The following SDHA variants were observed in gnomAD, a reference collection of about 807,000 sequenced individuals.
The protein encoded by SDHA is succinate dehydrogenase [ubiquinone] flavoprotein subunit, mitochondrial.
In SDHA, 48 loss-of-function variants were observed where a neutral mutation model predicts 78.4. That is an observed-to-expected ratio of 0.61 (90% CI 0.49 to 0.78). The LOEUF is 0.78. Ranked by LOEUF, SDHA falls within the 30% of genes least tolerant of loss-of-function variation. The pLI, the probability that SDHA is intolerant of heterozygous loss-of-function variation, is 0.00. For missense variants in SDHA, 680 were observed against 892.7 expected (o/e 0.76, Z 3.04); for synonymous variants, 326 against 353.9 (o/e 0.92, Z 0.88).
the SDHA span, among the ~76,000 whole-genome samples, chr5:266,791 C>T: frequency 2.0e-5 from 3 of 149,360 alleles, no homozygotes; most frequent in African/African-American, 2.4e-5. Context: ...TTCAGACCCT[C>T]GCCGTCCCGT....
At chr5:248,381 A>C (rs1445812734) in intron 11 of SDHA, among the ~76,000 whole-genome samples, 1 of 152,234 alleles carries the variant, frequency 6.6e-6, no homozygotes, top group East Asian at 1.9e-4. Flanking sequence ...AACCTGAGGA[A>C]AGCGGGACAA....
chr5:235,381 G>A (rs373202701), intron 9 of SDHA, 42 bp downstream of exon 9: 100 of 1,588,164 alleles, frequency 6.3e-5, no homozygotes, highest in Non-Finnish European at 8.3e-5. Context: ...AAAGAAGGCT[G>A]GGACGACGGG....
chr5:239,677 C>T (rs755669533), intron 10 of SDHA, among the ~76,000 whole-genome samples: 4 of 152,116 alleles, frequency 2.6e-5, no homozygotes, highest in African/African-American at 7.2e-5. Flanking sequence ...GAAGGGTGGC[C>T]GGCCCCTTGG....
In SDHA at chr5:226,044, A is replaced by G. The variant is rs1579386171; in HGVS notation, c.618A>G (p.Gly206=). The G allele has an allele frequency of 6.2e-7, 1 of 1,614,144 alleles. No individual in the cohort carries two copies. Among genetic ancestry groups the G allele is most frequent in the Non-Finnish European group, 8.5e-7 (1 of 1,180,030 alleles). The part of the protein sequence containing the change: ...TGHSLLHTLY[G]RSLRYDTSYF... Reference sequence around the variant, plus strand: ...ACTCGCTATTGCACACCTTATATGGAAGGGTAAGGCCGCCCCCGTCCACCT... The same window carrying G: ...ACTCGCTATTGCACACCTTATATGGGAGGGTAAGGCCGCCCCCGTCCACCT... The change falls in exon 5 of 15, where the codon GGA becomes GGG. Residue 206 remains glycine (G), a synonymous_variant. Coordinates refer to ENST00000264932, the MANE Select transcript of SDHA (RefSeq NM_004168.4).
rs1428505412 is a variant in SDHA, at chr5:235,198, A to C, written c.1119A>C (p.Pro373=). 1 of 1,613,982 alleles carries C rather than the reference A, an allele frequency of 6.2e-7. No homozygotes were observed. The highest frequency in any genetic ancestry group is 1.3e-5 in the African/African-American group (1 of 75,050). ...HVYLQLHHLP[P]EQLATRLPGI... is the part of the protein sequence containing the mutation. Reference sequence around the variant, plus strand: ...ACCTGCAGCTGCACCACCTACCTCCAGAGCAGCTGGCCACGCGCCTGCCTG... The same window carrying C: ...ACCTGCAGCTGCACCACCTACCTCCCGAGCAGCTGGCCACGCGCCTGCCTG... Residue 373 remains proline, a synonymous_variant, in exon 9 of 15, where the codon CCA becomes CCC. Coordinates refer to ENST00000264932, the MANE Select transcript of SDHA (RefSeq NM_004168.4).
intron 1 of SDHA, among the ~76,000 whole-genome samples, chr5:219,684 A>G (rs1400689434): frequency 1.3e-5 from 2 of 152,166 alleles, no homozygotes; most frequent in Non-Finnish European, 2.9e-5. Flanking sequence ...GAGGGCGTCC[A>G]CAAGCAGGAA....
chr5:242,658 C>T (rs376984079), intron 11 of SDHA, among the ~76,000 whole-genome samples: 6 of 152,244 alleles, frequency 3.9e-5, no homozygotes, highest in East Asian at 1.9e-4. Flanking sequence ...CGGCAAATGG[C>T]GCCCATATAT....
rs1320988567 is a variant in SDHA, at chr5:240,422, G to A, written c.1497G>A (p.Leu499=). The change falls in exon 11 of 15, where the codon TTG becomes TTA. Residue 499 remains leucine (L), a synonymous_variant. Coordinates refer to ENST00000264932, the MANE Select transcript of SDHA (RefSeq NM_004168.4). ...AATCTGTCATGAATCTTGACAAATT[G>A]AGATTTGCTGATGGAAGCATAAGAA... The part of the protein sequence containing the change: ...GEESVMNLDK[L]RFADGSIRTS... 1 of 1,611,616 alleles carries A rather than the reference G, an allele frequency of 6.2e-7. No individual in the cohort carries two copies. Among genetic ancestry groups the A allele is most frequent in the Non-Finnish European group, 8.5e-7 (1 of 1,179,376 alleles).
At chr5:257,487 C>A (rs962814339), downstream of SDHA, among the ~76,000 whole-genome samples, 30 of 132,386 alleles carry the variant, frequency 2.3e-4, 3 homozygotes, top group South Asian at 6.8e-4. Flanking sequence ...AGCTCCGCCT[C>A]CTGTCAGAGC....
At chr5:239,098 C>A (rs1267831118) in intron 10 of SDHA, among the ~76,000 whole-genome samples, 4 of 151,028 alleles carry the variant, frequency 2.6e-5, no homozygotes, top group Non-Finnish European at 5.9e-5. Flanking sequence ...TGAGCAGACC[C>A]TCAAGAGACC....
chr5:258,742 G>A (rs1365760390), downstream of SDHA, among the ~76,000 whole-genome samples: 1 of 67,278 alleles, frequency 1.5e-5, no homozygotes, highest in Non-Finnish European at 2.7e-5. Flanking sequence ...CCTCCCGTCC[G>A]AGCATTACCG....
intron 10 of SDHA, among the ~76,000 whole-genome samples, 172 bp downstream of exon 10, chr5:236,771 A>G (rs1307277888): frequency 6.6e-6 from 1 of 152,198 alleles, no homozygotes; most frequent in Non-Finnish European, 1.5e-5. Context: ...TCAGAGTCCC[A>G]AGTAGCTGGG....
intron 11 of SDHA, among the ~76,000 whole-genome samples, chr5:242,263 G>A (rs1736191543): frequency 6.6e-6 from 1 of 152,226 alleles, no homozygotes; most frequent in Non-Finnish European, 1.5e-5. Flanking sequence ...ACTGTGACAT[G>A]CTCTTGATGG....
chr5:238,061 G>A (rs189367334), intron 10 of SDHA, among the ~76,000 whole-genome samples: 1 of 143,980 alleles, frequency 6.9e-6, no homozygotes, highest in Admixed American at 6.8e-5. Flanking sequence ...ATGCAAAAAA[G>A]AACATTTTGT....
chr5:251,411 C>T lies in SDHA; in HGVS notation c.1737C>T (p.Ile579=), dbSNP rs201454617. 3.2e-5 allele frequency: 51 copies of T among 1,613,936 alleles called. No homozygotes were observed. In the Middle Eastern group the frequency reaches 6.6e-4, roughly 21 times the overall value. ...TGATGCTGTGTGCGCTGCAGACCAT[C>T]TACGGAGCAGAGGCACGGAAGGAGT... The part of the protein sequence containing the change: ...QNLMLCALQT[I]YGAEARKESR... Residue 579 remains isoleucine (I), a synonymous_variant, in exon 13 of 15, where the codon ATC becomes ATT. Transcript: ENST00000264932.
chr5:220,244 C>T (rs1203871618), intron 1 of SDHA: 1 of 446,918 alleles, frequency 2.2e-6, no homozygotes, highest in South Asian at 1.6e-5. Flanking sequence ...GCCCAGTGCA[C>T]TGACACAGCT....
intron 9 of SDHA, chr5:235,709 G>A (rs1289288638): frequency 1.1e-5 from 4 of 360,160 alleles, no homozygotes; most frequent in African/African-American, 2.1e-5. Context: ...GTTGGGCGAG[G>A]TGGGTGGAAG....
chr5:259,154 C>G (rs1318980129), downstream of SDHA, among the ~76,000 whole-genome samples: 3 of 32,652 alleles, frequency 9.2e-5, no homozygotes, highest in Non-Finnish European at 1.5e-4. Context: ...CCTCCCGTCA[C>G]AGCATTACCG....
chr5:218,935 C>T (rs1734550282), intron 1 of SDHA, among the ~76,000 whole-genome samples: 1 of 152,200 alleles, frequency 6.6e-6, no homozygotes, highest in Non-Finnish European at 1.5e-5. Context: ...GAGGAGTGGC[C>T]GGGCTCGGCC....
Sources: allele counts gnomAD v4.1 joint callset (sites outside exome capture counted in the v4.1 genomes callset), GRCh38; gene constraint gnomAD v4.1.1; transcripts MANE v1.5; gene names NCBI Gene and HGNC (gene_info 2026-07-23, HGNC 2026-07-21).